JPH2: variants seen among roughly 807,000 people sequenced by gnomAD.
The protein encoded by JPH2 is junctophilin 2.
In JPH2, 38 loss-of-function variants were observed where a neutral mutation model predicts 55.9. The ratio of observed to expected loss-of-function variants is 0.68; its 90% CI spans 0.52 to 0.89. The LOEUF (loss-of-function observed/expected upper bound fraction) is 0.89. JPH2 is among the 40% of genes least tolerant of loss of function. JPH2 has a pLI of 0.00. For synonymous variants in JPH2, 480 were observed against 472.4 expected, an observed-to-expected ratio of 1.02 and a Z score of -0.21; for missense variants, 964 against 1,037.6, an observed-to-expected ratio of 0.93 and a Z score of 0.97.
chr20:44,186,274 T>C, intron 1 of JPH2, 53 bp downstream of exon 1: 1 of 1,594,276 alleles, frequency 6.3e-7, no homozygotes, highest in East Asian at 2.2e-5. Flanking sequence ...CCACCAGGGT[T>C]TCTCACCCTC....
rs1474355083 is a variant in JPH2, at chr20:44,134,038, T to TATAAATATATATAAATATATATTATTA, written c.1170-15416_1170-15415insTAATAATATATATTTATATATATTTAT. On this transcript the variant is annotated intron_variant, in intron 2 of 5. Transcript: ENST00000372980. ...ATTATAAATATATATAAATATATAT[T>TATAAATATATATAAATATATATTATTA]TATATATAAATATATATTTATTATA... Among the ~76,000 whole-genome samples the TATAAATATATATAAATATATATTATTA allele has an allele frequency of 1.6e-4, 3 of 18,722 alleles. 1 individual carries two copies. Among genetic ancestry groups the TATAAATATATATAAATATATATTATTA allele is most frequent in the African/African-American group, 2.6e-4 (1 of 3,872 alleles). The allele number at this position is 18,722 out of a possible 152,430, so 12.3% of individuals were successfully genotyped here. A position where few individuals can be genotyped will look rare whatever the true frequency, so the allele number is the denominator to read the frequency against.
At chr20:44,120,726 A>G (rs540615872) in intron 2 of JPH2, among the ~76,000 whole-genome samples, 1 of 152,326 alleles carries the variant, frequency 6.6e-6, no homozygotes, top group South Asian at 2.1e-4. Context: ...CACTAACGAT[A>G]GCTGATAAGC....
At chr20:44,158,660 G>C (rs1395512362) in intron 2 of JPH2, among the ~76,000 whole-genome samples, 1 of 152,182 alleles carries the variant, frequency 6.6e-6, no homozygotes, top group Non-Finnish European at 1.5e-5. Context: ...TGATAGGGTG[G>C]GTGTTTAGTA....
At chr20:44,155,714 A>G (rs2072560816) in intron 2 of JPH2, among the ~76,000 whole-genome samples, 1 of 152,050 alleles carries the variant, frequency 6.6e-6, no homozygotes, top group African/African-American at 2.4e-5. Flanking sequence ...ATTGAGGGAC[A>G]CTCTATAAAC....
chr20:44,161,639 A>C (rs2072610702), intron 1 of JPH2, among the ~76,000 whole-genome samples: 1 of 152,124 alleles, frequency 6.6e-6, no homozygotes, highest in African/African-American at 2.4e-5. Context: ...AAACTCTGAA[A>C]GCAAAGATAT....
intron 3 of JPH2, among the ~76,000 whole-genome samples, chr20:44,117,077 G>C (rs1452657606): frequency 6.6e-6 from 1 of 152,176 alleles, no homozygotes. Flanking sequence ...TCAGGAGATC[G>C]AGACGATCCT....
Position 44,106,899 on chromosome 20 carries a change from T to C in JPH2, c.*6619A>G, listed in dbSNP as rs1051627454. Among the ~76,000 whole-genome samples, 1 of 152,108 alleles carries C rather than the reference T, an allele frequency of 6.6e-6. No homozygotes were observed. Among genetic ancestry groups the C allele is most frequent in the East Asian group, 1.9e-4 (1 of 5,184 alleles). On this transcript the variant is annotated 3_prime_UTR_variant, in exon 6 of 6. Transcript: ENST00000372980. The stretch of plus-strand genomic sequence containing the variant: ...AACACAGCCAAACCATATCACCCAG[T>C]AACAGAGCAAGGGAGGGGTATAAAA...
chr20:44,122,832 C>T (rs4810411), intron 2 of JPH2, among the ~76,000 whole-genome samples: 21,609 of 152,098 alleles, frequency 0.14, 1,687 homozygotes, highest in Admixed American at 0.25. Context: ...TTTGCCTGCA[C>T]GTGAGTATGT....
chr20:44,145,959 G>A lies in JPH2; in HGVS notation c.1169+13659C>T, dbSNP rs145199981. Among the ~76,000 whole-genome samples, 726 of 151,940 alleles carry A rather than the reference G, an allele frequency of 4.8e-3. 5 individuals carry two copies. Among genetic ancestry groups the A allele is most frequent in the African/African-American group, 0.017 (691 of 41,432 alleles). On this transcript the variant is annotated intron_variant, in intron 2 of 5. Transcript: ENST00000372980. ...TTTTTCTGAAGACTGAAGGAAGCAC[G>A]CTGGGTCTTTTCTCTAGTACTCTAC...
chr20:44,121,181 AAC>A (rs2072233572), intron 2 of JPH2, among the ~76,000 whole-genome samples: 1 of 152,156 alleles, frequency 6.6e-6, no homozygotes, highest in South Asian at 2.1e-4. Flanking sequence ...GACTTGAAGA[AAC>A]ACATACGTTA....
At chr20:44,132,080 A>G in intron 2 of JPH2, among the ~76,000 whole-genome samples, 1 of 152,204 alleles carries the variant, frequency 6.6e-6, no homozygotes, top group East Asian at 1.9e-4. Context: ...CCAGCAGTAC[A>G]GAGCTGGTTA....
At chr20:44,130,243 C>A (rs1302814098) in intron 2 of JPH2, among the ~76,000 whole-genome samples, 1 of 152,214 alleles carries the variant, frequency 6.6e-6, no homozygotes, top group African/African-American at 2.4e-5. Context: ...CCTTTGCTGA[C>A]CCCTGCATCT....
At position 44,110,616 on chromosome 20, in the gene JPH2, A is replaced by G. The variant is rs1248127011; in HGVS notation, c.*2902T>C. Among the ~76,000 whole-genome samples the G allele has an allele frequency of 2.0e-5, 3 of 152,064 alleles. No homozygotes were observed. The highest frequency in any genetic ancestry group is 4.4e-5 in the Non-Finnish European group (3 of 68,014). On this transcript the variant is annotated 3_prime_UTR_variant, in exon 6 of 6. Coordinates refer to ENST00000372980, the MANE Select transcript of JPH2 (RefSeq NM_020433.5). ...ATTTTTGTATTTTCTTTTTTAGTAGAGATGGGGTTTTGCCATGTTGGCCAG... is the reference window on the plus strand; with the variant it reads ...ATTTTTGTATTTTCTTTTTTAGTAGGGATGGGGTTTTGCCATGTTGGCCAG...
intron 1 of JPH2, among the ~76,000 whole-genome samples, chr20:44,180,865 A>G (rs955812398): frequency 6.6e-6 from 1 of 151,900 alleles, no homozygotes; most frequent in African/African-American, 2.4e-5. Flanking sequence ...AGAACCTCAG[A>G]AAATAACAAG....
intron 2 of JPH2, among the ~76,000 whole-genome samples, chr20:44,125,201 T>G (rs6513915): frequency 0.095 from 14,467 of 152,084 alleles, 780 homozygotes; most frequent in African/African-American, 0.14. Context: ...AAAATTTTGT[T>G]GAAACACAAC....
At chr20:44,176,867 G>A in intron 1 of JPH2, 1 of 985,136 alleles carries the variant, frequency 1.0e-6, no homozygotes. Context: ...TAAAAACATG[G>A]TACATGCCAT....
chr20:44,176,687 TGCAG>T (rs1488576905), intron 1 of JPH2: 1 of 174,480 alleles, frequency 5.7e-6, no homozygotes, highest in Non-Finnish European at 1.1e-5. Flanking sequence ...CCTAGGTACT[TGCAG>T]GCTGGGGTGG....
chr20:44,154,933 T>C (rs1248644806), intron 2 of JPH2, among the ~76,000 whole-genome samples: 1 of 151,462 alleles, frequency 6.6e-6, no homozygotes, highest in Non-Finnish European at 1.5e-5. Context: ...CAGCACCTCA[T>C]GCAAGAGGCT....
chr20:44,148,346 A>G (rs572096221), intron 2 of JPH2, among the ~76,000 whole-genome samples: 1 of 152,142 alleles, frequency 6.6e-6, no homozygotes, highest in Admixed American at 6.5e-5. Flanking sequence ...GAGACAGCTG[A>G]GGCTGAGTGG....
Sources: allele counts gnomAD v4.1 joint callset (sites outside exome capture counted in the v4.1 genomes callset), GRCh38; gene constraint gnomAD v4.1.1; transcripts MANE v1.5; gene names NCBI Gene and HGNC (gene_info 2026-07-23, HGNC 2026-07-21).